Variants in NAA15 observed in about 807,000 individuals in gnomAD.
The protein encoded by NAA15 is N-terminal acetyltransferase.
Under a neutral mutation model 114.0 loss-of-function variants are expected in NAA15, and 34 were observed. The observed-to-expected ratio is 0.30, with a 90% confidence interval of 0.23 to 0.40. The LOEUF is 0.40. NAA15 is among the 10% of genes least tolerant of loss of function. The pLI is 1.00. For missense variants in NAA15, 658 were observed against 1,004.5 expected, an observed-to-expected ratio of 0.66 and a Z score of 4.66; for synonymous variants, 340 against 338.0, an observed-to-expected ratio of 1.01 and a Z score of -0.06.
rs762452264 is a variant in NAA15 at position 139,361,925 on chromosome 4, G to A, written c.1741G>A (p.Glu581Lys). The A allele has an allele frequency of 1.9e-5, 30 of 1,608,034 alleles. No individual in the cohort carries two copies. Among genetic ancestry groups the A allele is most frequent in the South Asian group, 1.1e-4 (10 of 90,548 alleles). ...CCTTACAGATGAGAATAAAGAACAC[G>A]AAGCTGATACAGGTATAATATTCAG... ...NPLTDENKEH[E>K]ADTANMSDKE... The change falls in exon 14 of 20, where the codon GAA (glutamate) becomes AAA (lysine). Residue 581 changes from glutamate (E) to lysine (K), a missense_variant. Glu to Lys is a moderately conservative substitution (Grantham distance 56, BLOSUM62 1). This residue lies in a region of NAA15 where 275 missense variants were observed against 371.1 expected (regional missense o/e 0.74). Coordinates refer to ENST00000296543, the MANE Select transcript of NAA15 (RefSeq NM_057175.5).
intron 14 of NAA15, among the ~76,000 whole-genome samples, chr4:139,362,575 A>G (rs577610506): frequency 2.0e-5 from 3 of 152,340 alleles, no homozygotes; most frequent in East Asian, 1.9e-4. Flanking sequence ...GATTACAGGC[A>G]TGAGCCACTA....
chr4:139,352,401 G>T (rs989776972), intron 9 of NAA15, among the ~76,000 whole-genome samples: 1 of 152,034 alleles, frequency 6.6e-6, no homozygotes, highest in Non-Finnish European at 1.5e-5. Flanking sequence ...GAGCCACCGT[G>T]CCTGGCCAAG....
rs1310236460 is a variant in NAA15, at chr4:139,379,001, T to C, written c.2155+147T>C. On this transcript the variant is annotated intron_variant, in intron 17 of 19. Transcript: ENST00000296543. ...TAAGGGAAAAGCAGGGCTTTTTTCT[T>C]TATGATGAAGGTTTTTATTTTAAGG... 6.0e-6 allele frequency: 3 copies of C among 501,066 alleles called. No individual in the cohort carries two copies. The Admixed American group carries it at 1.3e-4, about 21-fold the overall frequency. The allele number at this position is 501,066 out of a possible 1,614,324, so 31.0% of individuals were successfully genotyped here.
intron 1 of NAA15, among the ~76,000 whole-genome samples, chr4:139,321,959 AG>A (rs1476097029): frequency 6.6e-6 from 1 of 152,062 alleles, no homozygotes; most frequent in African/African-American, 2.4e-5. Flanking sequence ...TGGAATTTAT[AG>A]TAATTTTCCT....
At chr4:139,319,327 C>T (rs1485604992) in intron 1 of NAA15, among the ~76,000 whole-genome samples, 4 of 151,774 alleles carry the variant, frequency 2.6e-5, no homozygotes, top group African/African-American at 9.7e-5. Context: ...AGGCTGGTCT[C>T]GAACTCCTGA....
At chr4:139,316,653 G>A (rs1368303354) in intron 1 of NAA15, among the ~76,000 whole-genome samples, 1 of 151,730 alleles carries the variant, frequency 6.6e-6, no homozygotes, top group Non-Finnish European at 1.5e-5. Context: ...TAAGTAATTT[G>A]GTATGAATGC....
chr4:139,314,214 A>T (rs1048711523), intron 1 of NAA15, among the ~76,000 whole-genome samples: 4 of 151,916 alleles, frequency 2.6e-5, no homozygotes, highest in Non-Finnish European at 5.9e-5. Context: ...AAGTTGTAAC[A>T]TCAGATGTAG....
At chr4:139,302,363 G>A (rs1179211674) in intron 1 of NAA15, 6 of 153,654 alleles carry the variant, frequency 3.9e-5, no homozygotes, top group Non-Finnish European at 7.2e-5. Context: ...AATGACCTGA[G>A]AGGAGGGAAA....
Position 139,301,703 on chromosome 4 carries a change from A to G in NAA15, c.-75A>G. On this transcript the variant is annotated 5_prime_UTR_variant, in exon 1 of 20. Coordinates refer to ENST00000296543, the MANE Select transcript of NAA15 (RefSeq NM_057175.5). ...TATTCAAGGCTGAAGCAGCTACGGA[A>G]CGGCAGCGGCGGCGGTCGGACAAAC... 1.3e-6 allele frequency: 2 copies of G among 1,502,558 alleles called. No homozygotes were observed. The highest frequency in any genetic ancestry group is 1.8e-6 in the Non-Finnish European group (2 of 1,110,214). 93.1% of individuals were successfully genotyped at this position (1,502,558 alleles called of 1,614,324 possible).
intron 1 of NAA15, among the ~76,000 whole-genome samples, chr4:139,325,422 GT>G (rs1346986814): frequency 5.3e-5 from 8 of 152,170 alleles, no homozygotes; most frequent in African/African-American, 1.9e-4. Flanking sequence ...TCTGGGGTAA[GT>G]TACTTGTTTT....
At chr4:139,314,007 A>G (rs900888366) in intron 1 of NAA15, among the ~76,000 whole-genome samples, 3 of 151,952 alleles carry the variant, frequency 2.0e-5, no homozygotes, top group African/African-American at 7.3e-5. Context: ...GACAGATTAA[A>G]AACAAAGATA....
intron 1 of NAA15, among the ~76,000 whole-genome samples, chr4:139,307,419 A>G (rs1746061032): frequency 6.6e-6 from 1 of 152,138 alleles, no homozygotes; most frequent in Non-Finnish European, 1.5e-5. Context: ...CAGGCGTGCC[A>G]CCACGCCTGG....
At chr4:139,310,970 G>A (rs1190914529) in intron 1 of NAA15, among the ~76,000 whole-genome samples, 1 of 151,286 alleles carries the variant, frequency 6.6e-6, no homozygotes, top group African/African-American at 2.5e-5. Context: ...AGGCTGGAGG[G>A]CTGGAGTGCA....
At chr4:139,309,843 A>T (rs564026229) in intron 1 of NAA15, among the ~76,000 whole-genome samples, 1 of 152,358 alleles carries the variant, frequency 6.6e-6, no homozygotes, top group Admixed American at 6.5e-5. Context: ...ACTAAAGCTT[A>T]AAAGGGAACT....
At chr4:139,308,000 T>C (rs1746080654) in intron 1 of NAA15, among the ~76,000 whole-genome samples, 1 of 152,018 alleles carries the variant, frequency 6.6e-6, no homozygotes, top group South Asian at 2.1e-4. Context: ...GTCTCACTGT[T>C]GCCCAGGCTG....
intron 11 of NAA15, 126 bp from the exon 12 acceptor site, chr4:139,359,617 C>A: frequency 1.3e-6 from 1 of 794,014 alleles, no homozygotes; most frequent in Non-Finnish European, 1.9e-6. Context: ...TATTGATTAG[C>A]ATCTAAGAGT....
intron 9 of NAA15, among the ~76,000 whole-genome samples, chr4:139,352,460 C>T (rs1325754693): frequency 1.3e-5 from 2 of 151,818 alleles, no homozygotes; most frequent in African/African-American, 4.8e-5. Flanking sequence ...AGTACAGTGT[C>T]ATCAAGGCAT....
At chr4:139,363,553 G>T (rs183527835) in intron 14 of NAA15, among the ~76,000 whole-genome samples, 4 of 152,058 alleles carry the variant, frequency 2.6e-5, no homozygotes, top group South Asian at 2.1e-4. Context: ...CTCCATGTCT[G>T]CATATCATAA....
At chr4:139,310,808 G>A (rs1746198239) in intron 1 of NAA15, among the ~76,000 whole-genome samples, 3 of 151,442 alleles carry the variant, frequency 2.0e-5, no homozygotes, top group South Asian at 2.1e-4. Flanking sequence ...TAGTACAGGC[G>A]GGGTTTCACC....
Sources: allele counts gnomAD v4.1 joint callset (sites outside exome capture counted in the v4.1 genomes callset), GRCh38; gene constraint gnomAD v4.1.1; regional missense constraint gnomAD v4.1.1; transcripts MANE v1.5; gene names NCBI Gene and HGNC (gene_info 2026-07-23, HGNC 2026-07-21).